SIPA1L3: variants seen among roughly 807,000 people sequenced by gnomAD.
The protein encoded by SIPA1L3 is signal-induced proliferation-associated 1-like protein 3.
A neutral mutation model predicts 150.1 loss-of-function variants in SIPA1L3; 59 were observed. The observed-to-expected ratio is 0.39, with a 90% CI of 0.32 to 0.49. The LOEUF (loss-of-function observed/expected upper bound fraction) is 0.49. Among genes scored for constraint, SIPA1L3 ranks in the 20% least tolerant of loss-of-function variants. SIPA1L3 has a pLI of 0.86. For synonymous variants in SIPA1L3, 1,070 were observed against 1,077.6 expected (o/e 0.99, Z 0.14); for missense variants, 2,211 against 2,489.5 (o/e 0.89, Z 2.38).
chr19:37,962,479 T>A (rs2046868147), intron 1 of SIPA1L3, among the ~76,000 whole-genome samples: 1 of 144,612 alleles, frequency 6.9e-6, no homozygotes, highest in Non-Finnish European at 1.5e-5. Flanking sequence ...TTTTTTTTTT[T>A]TTTTTTTGAG....
At chr19:37,993,576 A>G (rs1387961310) in intron 1 of SIPA1L3, among the ~76,000 whole-genome samples, 2 of 152,178 alleles carry the variant, frequency 1.3e-5, no homozygotes, top group Non-Finnish European at 2.9e-5. Flanking sequence ...AGAAAGCATC[A>G]TAAGTGGAAA....
intron 8 of SIPA1L3, among the ~76,000 whole-genome samples, chr19:38,112,021 A>G (rs1970769608): frequency 1.3e-5 from 2 of 150,336 alleles, no homozygotes; most frequent in African/African-American, 4.9e-5. Context: ...ACATGCACAC[A>G]CACGTATGCA....
At chr19:38,041,805 T>C (rs994655541) in intron 2 of SIPA1L3, among the ~76,000 whole-genome samples, 7 of 150,100 alleles carry the variant, frequency 4.7e-5, no homozygotes, top group Non-Finnish European at 8.9e-5. Context: ...CAAACTCTAG[T>C]CTCAAGTGAT....
chr19:38,088,780 C>T lies in SIPA1L3; in HGVS notation c.1594C>T (p.Arg532Trp). The change falls in exon 4 of 22, where the codon CGG (arginine) becomes TGG (tryptophan). Residue 532 changes from arginine to tryptophan, a missense_variant. Physicochemically the swap from Arg to Trp is moderately radical, Grantham distance 101. This residue lies in a region of SIPA1L3 where 625 missense variants were observed against 804.2 expected (regional missense o/e 0.78). Transcript: ENST00000222345. The stretch of plus-strand genomic sequence containing the variant: ...GGGGCCAGTGGCTGTGAGCATTAAG[C>T]GGGAGAAGCTGGAAGACCACAAGGA... ...KLGPVAVSIK[R>W]EKLEDHKEHG... 4 of 1,614,046 alleles carry T rather than the reference C, an allele frequency of 2.5e-6. No individual in the cohort carries two copies. Among genetic ancestry groups the T allele is most frequent in the East Asian group, 2.2e-5 (1 of 44,868 alleles).
intron 2 of SIPA1L3, among the ~76,000 whole-genome samples, chr19:38,065,272 A>G (rs1053441489): frequency 3.9e-5 from 6 of 151,966 alleles, no homozygotes; most frequent in African/African-American, 1.5e-4. Flanking sequence ...AAACATGCAA[A>G]TTGTTCAGAC....
At chr19:38,103,146 AAAAC>A (rs1274275957) in intron 6 of SIPA1L3, among the ~76,000 whole-genome samples, 2 of 151,892 alleles carry the variant, frequency 1.3e-5, no homozygotes, top group Non-Finnish European at 2.9e-5. Context: ...AAAAAAAAAA[AAAAC>A]AAGGGAATAC....
intron 10 of SIPA1L3, among the ~76,000 whole-genome samples, chr19:38,140,528 A>G (rs1316448579): frequency 6.6e-6 from 1 of 151,872 alleles, no homozygotes. Flanking sequence ...GGCCCTGAGT[A>G]CCGCTAAGGG....
At position 38,151,660 on chromosome 19, in the gene SIPA1L3, G is replaced by A. The variant is rs1971824729; in HGVS notation, c.3534-1180G>A. Reference sequence around the variant, plus strand: ...GAAGTGTCTACAAGATTCACCCCATGGTTGTAGACAGGGCCACTGGGGCCG... The same window carrying A: ...GAAGTGTCTACAAGATTCACCCCATAGTTGTAGACAGGGCCACTGGGGCCG... On this transcript the variant is annotated intron_variant, in intron 12 of 21. Coordinates refer to ENST00000222345, the MANE Select transcript of SIPA1L3 (RefSeq NM_015073.3). Among the ~76,000 whole-genome samples the A allele has an allele frequency of 2.6e-5, 4 of 152,178 alleles. No individual in the cohort carries two copies. The South Asian group carries it at 6.2e-4, about 24-fold the overall frequency.
chr19:38,124,874 C>G (rs1439312741), intron 9 of SIPA1L3, among the ~76,000 whole-genome samples: 1 of 152,240 alleles, frequency 6.6e-6, no homozygotes, highest in East Asian at 1.9e-4. Context: ...TGGCGGCGCG[C>G]GCCTGCAATC....
At position 38,201,952 on chromosome 19, in the gene SIPA1L3, G is replaced by A. The variant is rs773000802; in HGVS notation, c.5075G>A (p.Ser1692Asn). The A allele has an allele frequency of 1.2e-6, 2 of 1,613,774 alleles. No homozygotes were observed. The highest frequency in any genetic ancestry group is 1.7e-6 in the Non-Finnish European group (2 of 1,179,894). Reference protein sequence around the residue: ...PAHSPVHSHLSLERGPPTPRT... With the variant: ...PAHSPVHSHLNLERGPPTPRT... The stretch of plus-strand genomic sequence containing the variant: ...CACAGTCCTGTCCACAGCCACCTGA[G>A]CCTGGAGAGGGGACCCCCGACCCCC... The change falls in exon 20 of 22, where the codon AGC becomes AAC. Residue 1692 changes from serine to asparagine, a missense_variant. Coordinates refer to ENST00000222345, the MANE Select transcript of SIPA1L3 (RefSeq NM_015073.3).
At chr19:38,183,836 G>A (rs1355499871) in intron 16 of SIPA1L3, among the ~76,000 whole-genome samples, 2 of 152,190 alleles carry the variant, frequency 1.3e-5, no homozygotes, top group African/African-American at 4.8e-5. Flanking sequence ...AGGGCCAGGA[G>A]AGGCGGAGCT....
chr19:38,164,022 G>A lies in SIPA1L3; in HGVS notation c.3781-457G>A, dbSNP rs887763316. Among the ~76,000 whole-genome samples, 5 of 152,216 alleles carry A rather than the reference G, an allele frequency of 3.3e-5. No homozygotes were observed. The highest frequency in any genetic ancestry group is 1.2e-4 in the African/African-American group (5 of 41,464). ...CACGCGGAGCCGTGGAGCAGGAAGT[G>A]ACAGGTCCCGGATCTGTGTTGAGGA... On this transcript the variant is annotated intron_variant, in intron 14 of 21. Transcript: ENST00000222345. This position sits in a 1 kb window ranked among gnomAD's most constrained non-coding sequence, Gnocchi z 4.1.
At chr19:37,970,912 G>T (rs1208043746) in intron 1 of SIPA1L3, among the ~76,000 whole-genome samples, 1 of 152,184 alleles carries the variant, frequency 6.6e-6, no homozygotes, top group Non-Finnish European at 1.5e-5. Flanking sequence ...CTGCCGTCTT[G>T]TTGCTCCCTG....
At chr19:37,998,230 GAGTCCCTCC>G (rs1190407682) in intron 1 of SIPA1L3, among the ~76,000 whole-genome samples, 1 of 152,180 alleles carries the variant, frequency 6.6e-6, no homozygotes, top group Non-Finnish European at 1.5e-5. Flanking sequence ...GTATCGCCTA[GAGTCCCTCC>G]AGAAAAGCAT....
At chr19:37,965,317 G>GT (rs566071263) in intron 1 of SIPA1L3, among the ~76,000 whole-genome samples, 38,874 of 133,634 alleles carry the variant, frequency 0.29, 6,716 homozygotes, top group Non-Finnish European at 0.39. Flanking sequence ...TATATTTCTA[G>GT]TTTTTTTTTT....
rs201069511 is a variant in SIPA1L3 at position 38,192,307 on chromosome 19, G to A, written c.4593G>A (p.Thr1531=). The change falls in exon 17 of 22, where the codon ACG becomes ACA. Residue 1531 remains threonine (T), a synonymous_variant. Coordinates refer to ENST00000222345, the MANE Select transcript of SIPA1L3 (RefSeq NM_015073.3). ...DNLGPEQERD[T]GQSPQKGLQR... Reference sequence around the variant, plus strand: ...TGGGGCCAGAGCAGGAGAGAGACACGGGAGTACGTAGGGCCCTGTCCCCCG... The same window carrying A: ...TGGGGCCAGAGCAGGAGAGAGACACAGGAGTACGTAGGGCCCTGTCCCCCG... 103 of 1,603,306 alleles carry A rather than the reference G, an allele frequency of 6.4e-5. No individual in the cohort carries two copies. The Admixed American group carries it at 1.6e-3, about 25-fold the overall frequency.
At position 38,100,160 on chromosome 19, in the gene SIPA1L3, G is replaced by GGGC; in HGVS notation, c.1854+11_1854+13dup. The GGGC allele has an allele frequency of 6.5e-7, 1 of 1,540,954 alleles. No individual in the cohort carries two copies. The highest frequency in any genetic ancestry group is 2.5e-5 in the East Asian group (1 of 40,254). ...GCTCGATGAGCAAGGGGTGAGTCAG[G>GGGC]GGCTGGAGGTGGGGGTGCTGCTGGG... is the stretch of plus-strand genomic sequence containing the variant. On this transcript the variant is annotated intron_variant, in intron 5 of 21. Transcript: ENST00000222345.
intron 10 of SIPA1L3, among the ~76,000 whole-genome samples, chr19:38,137,842 G>C (rs1971469386): frequency 6.6e-6 from 1 of 151,872 alleles, no homozygotes; most frequent in Non-Finnish European, 1.5e-5. Flanking sequence ...CAGTACCTAA[G>C]GGAAAAGGCC....
intron 1 of SIPA1L3, among the ~76,000 whole-genome samples, chr19:37,912,342 A>G (rs1386688651): frequency 1.3e-5 from 2 of 152,090 alleles, no homozygotes; most frequent in Non-Finnish European, 2.9e-5. Context: ...CTGTGACTCT[A>G]TCCTATATTA....
Sources: allele counts gnomAD v4.1 joint callset (sites outside exome capture counted in the v4.1 genomes callset), GRCh38; gene constraint gnomAD v4.1.1; regional missense constraint gnomAD v4.1.1; non-coding constraint Gnocchi (gnomAD v3.1); transcripts MANE v1.5; gene names NCBI Gene and HGNC (gene_info 2026-07-23, HGNC 2026-07-21).